ERAP1: variants seen among roughly 807,000 people sequenced by gnomAD.
The protein encoded by ERAP1 is adipocyte-derived leucine aminopeptidase.
In ERAP1, 86 loss-of-function variants were observed where a neutral mutation model predicts 103.7. The ratio of observed to expected loss-of-function variants is 0.83; its 90% CI spans 0.70 to 0.99. ERAP1 has a LOEUF of 0.99. ERAP1 is among the 50% of genes least tolerant of loss of function. The pLI is 0.00. For missense variants in ERAP1, 1,009 were observed against 1,128.4 expected, an observed-to-expected ratio of 0.89 and a Z score of 1.52; for synonymous variants, 398 against 402.4, an observed-to-expected ratio of 0.99 and a Z score of 0.13.
chr5:96,888,290 T>C, the ERAP1 span, among the ~76,000 whole-genome samples: 2 of 152,248 alleles, frequency 1.3e-5, no homozygotes, highest in Admixed American at 6.5e-5. Flanking sequence ...CATGGATGTC[T>C]ATGCATAGAC....
the ERAP1 span, among the ~76,000 whole-genome samples, chr5:96,833,585 A>C: frequency 6.6e-6 from 1 of 152,300 alleles, no homozygotes; most frequent in South Asian, 2.1e-4. Context: ...GAGTGGGAAG[A>C]CATGAAAATA....
the ERAP1 span, among the ~76,000 whole-genome samples, chr5:96,911,816 A>G: frequency 2.8e-5 from 4 of 144,716 alleles, no homozygotes; most frequent in Non-Finnish European, 6.0e-5. Flanking sequence ...ACAGTGAGCC[A>G]TGATCACGCC....
intron 7 of ERAP1, among the ~76,000 whole-genome samples, chr5:96,792,607 T>C (rs1314438539): frequency 6.6e-6 from 1 of 152,172 alleles, no homozygotes; most frequent in African/African-American, 2.4e-5. Context: ...CTTAACCAGC[T>C]TTATTAGAGC....
the ERAP1 span, among the ~76,000 whole-genome samples, chr5:96,894,804 C>A: frequency 5.8e-4 from 88 of 152,106 alleles, no homozygotes; most frequent in African/African-American, 2.1e-3. Flanking sequence ...TAAGTACCTG[C>A]TACTTAATAT....
the ERAP1 span, among the ~76,000 whole-genome samples, chr5:96,907,883 CAAAAA>C: frequency 6.5e-3 from 955 of 147,822 alleles, 5 homozygotes; most frequent in Non-Finnish European, 0.01. Flanking sequence ...AACTCTGTCT[CAAAAA>C]AAAAAAATAT....
the ERAP1 span, among the ~76,000 whole-genome samples, chr5:96,891,555 CA>C: frequency 6.9e-6 from 1 of 145,080 alleles, no homozygotes; most frequent in African/African-American, 2.6e-5. Flanking sequence ...CACACACACA[CA>C]CACACACATA....
upstream of ERAP1, chr5:96,808,154 C>T (rs189630765): frequency 1.1e-4 from 101 of 957,612 alleles, no homozygotes; most frequent in Non-Finnish European, 1.6e-5. Flanking sequence ...GGGGATCAGG[C>T]GTAGGAAGTG....
chr5:96,773,073 T>C (rs1248083714), downstream of ERAP1: 1 of 153,924 alleles, frequency 6.5e-6, no homozygotes, highest in Non-Finnish European at 1.5e-5. Context: ...TTCTGATTTC[T>C]TATTACCCCC....
chr5:96,793,363 A>G (rs557064041), intron 7 of ERAP1, 37 bp downstream of exon 7: 1 of 1,434,786 alleles, frequency 7.0e-7, no homozygotes, highest in South Asian at 1.1e-5. Context: ...CAAAACAACA[A>G]ATTAACCTCA....
chr5:96,790,308 T>C lies in ERAP1; in HGVS notation c.1512A>G (p.Ser504=). ...TATAGAAACTTACTGAGGATGAAGATGAATGTTGACTTCTAGAGCAAAAGC... is the reference window on the plus strand; with the variant it reads ...TATAGAAACTTACTGAGGATGAAGACGAATGTTGACTTCTAGAGCAAAAGC... The part of the protein sequence containing the change: ...MDGFCSRSQH[S]SSSSHWHQEG... Residue 504 remains serine, a synonymous_variant, in exon 10 of 19, where the codon TCA becomes TCG. Coordinates refer to ENST00000443439, the MANE Select transcript of ERAP1 (RefSeq NM_001040458.3). The C allele has an allele frequency of 1.9e-6, 3 of 1,614,124 alleles. No homozygotes were observed. Among genetic ancestry groups the C allele is most frequent in the Non-Finnish European group, 2.5e-6 (3 of 1,179,976 alleles).
intron 6 of ERAP1, 115 bp from the exon 7 acceptor site, chr5:96,793,628 G>A: frequency 6.4e-6 from 7 of 1,093,400 alleles, no homozygotes; most frequent in Admixed American, 2.3e-5. Context: ...TTTAATCAAG[G>A]TAAAAATAAA....
exon 20 of ERAP1, chr5:96,762,030 A>G (rs764552005): frequency 1.3e-5 from 4 of 319,040 alleles, no homozygotes; most frequent in Admixed American, 9.4e-5. Flanking sequence ...ACTCTAAGTT[A>G]TATTATTGCA....
At chr5:96,804,090 C>G in intron 1 of ERAP1, 147 bp from the exon 2 acceptor site, 1 of 807,626 alleles carries the variant, frequency 1.2e-6, no homozygotes, top group Non-Finnish European at 2.0e-6. Context: ...GTAAAAGGAC[C>G]TTCCCTATGT....
chr5:96,904,974 CA>C, the ERAP1 span, among the ~76,000 whole-genome samples: 1 of 151,884 alleles, frequency 6.6e-6, no homozygotes, highest in African/African-American at 2.4e-5. Flanking sequence ...TGAGCTTGGA[CA>C]AGTTTTGTTT....
At chr5:96,816,038 C>A in the ERAP1 span, among the ~76,000 whole-genome samples, 1 of 152,080 alleles carries the variant, frequency 6.6e-6, no homozygotes, top group Admixed American at 6.5e-5. Flanking sequence ...GTACTAGGAA[C>A]AAAGCAGATT....
At chr5:96,807,830 T>C (rs1389903342) in intron 1 of ERAP1, 30 bp downstream of exon 1, 1 of 985,416 alleles carries the variant, frequency 1.0e-6, no homozygotes, top group Non-Finnish European at 1.2e-6. Context: ...CGGCCCGCAG[T>C]CCCCTACCCG....
At chr5:96,900,055 C>T in the ERAP1 span, 2 of 1,576,622 alleles carry the variant, frequency 1.3e-6, no homozygotes, top group Admixed American at 3.4e-5. Flanking sequence ...GCATCCATGG[C>T]TAATGTGCAC....
At chr5:96,924,804 G>A in the ERAP1 span, among the ~76,000 whole-genome samples, 1 of 152,052 alleles carries the variant, frequency 6.6e-6, no homozygotes, top group Non-Finnish European at 1.5e-5. Flanking sequence ...CACCATGTTG[G>A]CCAAGCTGGT....
chr5:96,881,968 G>A, the ERAP1 span, among the ~76,000 whole-genome samples: 3 of 114,074 alleles, frequency 2.6e-5, no homozygotes, highest in African/African-American at 1.0e-4. Context: ...CTGGAACCAA[G>A]GAAGGGAAAT....
Sources: allele counts gnomAD v4.1 joint callset (sites outside exome capture counted in the v4.1 genomes callset), GRCh38; gene constraint gnomAD v4.1.1; transcripts MANE v1.5; gene names NCBI Gene and HGNC (gene_info 2026-07-23, HGNC 2026-07-21).